Variants in ZNF280C observed in about 807,000 individuals in gnomAD.
The protein encoded by ZNF280C is suppressor of hairy wing homolog 3.
ZNF280C carries 14 observed loss-of-function variants against 53.6 expected under a neutral mutation model. That is an observed-to-expected ratio of 0.26 (90% confidence interval 0.17 to 0.41). ZNF280C has a LOEUF of 0.41. ZNF280C is among the 10% of genes least tolerant of loss of function. The probability of loss-of-function intolerance (pLI) is 1.00; values close to 1 mark genes in which losing one functional copy is unlikely to be tolerated. For missense variants in ZNF280C, 416 were observed against 547.1 expected, an observed-to-expected ratio of 0.76 and a Z score of 2.39; for synonymous variants, 203 against 181.1, an observed-to-expected ratio of 1.12 and a Z score of -0.97.
intron 2 of ZNF280C, among the ~76,000 whole-genome samples, chrX:130,256,523 G>A (rs1345498280): frequency 2.7e-5 from 3 of 109,284 alleles, no homozygotes; most frequent in Middle Eastern, 4.7e-3. Context: ...CCGGGAGTGG[G>A]AAGTGCAGTG....
Position 130,246,963 on chromosome X carries a change from T to C in ZNF280C, c.74A>G (p.Glu25Gly). The C allele has an allele frequency of 2.5e-6, 3 of 1,211,108 alleles. No individual in the cohort carries two copies. The highest frequency in any genetic ancestry group is 3.4e-6 in the Non-Finnish European group (3 of 895,100). Residue 25 changes from glutamate (E) to glycine (G), a missense_variant, in exon 3 of 19, where the codon GAA becomes GGA. Glu to Gly is a moderately conservative substitution (Grantham distance 98, BLOSUM62 -2). Around this residue, in one of 3 missense-constraint regions of ZNF280C, gnomAD observed 193 missense variants for 201.4 expected, o/e 0.96. Coordinates refer to ENST00000370978, the MANE Select transcript of ZNF280C (RefSeq NM_017666.5). The part of the protein sequence containing the change: ...MAELFMECEE[E>G]ELEPWQKKVE... ...TTTCTTCTGCCATGGCTCTAGCTCT[T>C]CTTCTTCACATTCCATAAAGAGTTC... is the stretch of plus-strand genomic sequence containing the variant.
At chrX:130,266,226 G>A (rs181349799) in intron 1 of ZNF280C, among the ~76,000 whole-genome samples, 2 of 111,991 alleles carry the variant, frequency 1.8e-5, no homozygotes, top group East Asian at 5.5e-4. Context: ...ATAAAAAGCA[G>A]CTGGATTCTC....
rs2031934671 is a variant in ZNF280C, at chrX:130,203,375, G to A, written c.*1602C>T. ...AAAAAAGTTTAAAAATGTGAGTATCGGTCGGGTGCAGTGGCTCACACCTGT... is the reference window on the plus strand; with the variant it reads ...AAAAAAGTTTAAAAATGTGAGTATCAGTCGGGTGCAGTGGCTCACACCTGT... On this transcript the variant is annotated 3_prime_UTR_variant, in exon 19 of 19. Transcript: ENST00000370978. 9.0e-6 allele frequency: 1 copy of A among 111,684 alleles called. No homozygotes were observed. Among genetic ancestry groups the A allele is most frequent in the Admixed American group, 9.5e-5 (1 of 10,531 alleles). The allele number at this position is 111,684 out of a possible 1,213,427, so 9.2% of individuals were successfully genotyped here.
In ZNF280C at chrX:130,261,978, C is replaced by T. The variant is rs1372953263; in HGVS notation, c.-16-1513G>A. ...TACAGGTGAACATCACTGTGCCTGGCTTAACACTTTAATTAAATGATCATA... is the reference window on the plus strand; with the variant it reads ...TACAGGTGAACATCACTGTGCCTGGTTTAACACTTTAATTAAATGATCATA... On this transcript the variant is annotated intron_variant, in intron 1 of 18. Coordinates refer to ENST00000370978, the MANE Select transcript of ZNF280C (RefSeq NM_017666.5). Among the ~76,000 whole-genome samples the T allele has an allele frequency of 3.6e-5, 4 of 111,214 alleles. No individual in the cohort carries two copies. The East Asian group carries it at 1.1e-3, about 31-fold the overall frequency.
chrX:130,209,599 TA>T, intron 16 of ZNF280C, 53 bp downstream of exon 16: 1 of 1,083,779 alleles, frequency 9.2e-7, no homozygotes. Context: ...CATCAAGTTT[TA>T]AAAAGTTACT....
intron 10 of ZNF280C, 90 bp downstream of exon 10, chrX:130,228,858 TTGCCCTCATATTACAAAGTCTACTTCTTA>T: frequency 1.5e-6 from 1 of 686,771 alleles, no homozygotes. Flanking sequence ...TTTTTCAATT[TTGCCCTCATATTACAAAGTCTACTTCTTA>T]TTTTTTTCTG....
Position 130,216,053 on chromosome X carries a change from C to A in ZNF280C, c.1576G>T (p.Ala526Ser). The change falls in exon 14 of 19, where the codon GCA becomes TCA. Residue 526 changes from alanine to serine, a missense_variant. Ala to Ser is a moderately conservative substitution (Grantham distance 99). Transcript: ENST00000370978. Reference protein sequence around the residue: ...LGPLQSKLPTAPFGCAPGTSF... With the variant: ...LGPLQSKLPTSPFGCAPGTSF... Reference sequence around the variant, plus strand: ...GTGCCTGGAGCGCAACCGAAAGGTGCAGTTGGTAATTTTGACTGGAGAGGT... The same window carrying A: ...GTGCCTGGAGCGCAACCGAAAGGTGAAGTTGGTAATTTTGACTGGAGAGGT... The A allele has an allele frequency of 3.3e-6, 4 of 1,210,764 alleles. No homozygotes were observed. Among genetic ancestry groups the A allele is most frequent in the Non-Finnish European group, 1.1e-6 (1 of 894,951 alleles).
rs2031944354 is a variant in ZNF280C, at chrX:130,204,069, G to A, written c.*908C>T. 9.0e-6 allele frequency: 1 copy of A among 111,127 alleles called. No homozygotes were observed. The highest frequency in any genetic ancestry group is 3.3e-5 in the African/African-American group (1 of 30,489). The allele number at this position is 111,127 out of a possible 1,213,427, so 9.2% of individuals were successfully genotyped here. A position where few individuals can be genotyped will look rare whatever the true frequency, so the allele number is the denominator to read the frequency against. On this transcript the variant is annotated 3_prime_UTR_variant, in exon 19 of 19. Coordinates refer to ENST00000370978, the MANE Select transcript of ZNF280C (RefSeq NM_017666.5). Reference sequence around the variant, plus strand: ...ATGAACAACTGTGTCTTTGGGAACTGTAATTGTAGAAATTTTCTTTATCCA... The same window carrying A: ...ATGAACAACTGTGTCTTTGGGAACTATAATTGTAGAAATTTTCTTTATCCA...
intron 12 of ZNF280C, among the ~76,000 whole-genome samples, chrX:130,225,928 C>T (rs1449242640): frequency 9.0e-6 from 1 of 111,658 alleles, no homozygotes; most frequent in African/African-American, 3.3e-5. Context: ...TTAGTAAATC[C>T]GTTGACTTCT....
At chrX:130,234,358 T>A (rs749147899) in intron 8 of ZNF280C, among the ~76,000 whole-genome samples, 219 of 111,652 alleles carry the variant, frequency 2.0e-3, no homozygotes, top group Non-Finnish European at 3.6e-3. Context: ...TACATCTATG[T>A]CCTAAAGAGC....
intron 15 of ZNF280C, among the ~76,000 whole-genome samples, chrX:130,211,626 G>C (rs209228): frequency 0.48 from 52,590 of 110,357 alleles, 9,571 homozygotes; most frequent in African/African-American, 0.65. Flanking sequence ...GACCTACGAG[G>C]CCCTCAGAAG....
chrX:130,213,244 G>A (rs776930356), intron 15 of ZNF280C, among the ~76,000 whole-genome samples: 1 of 111,730 alleles, frequency 9.0e-6, no homozygotes, highest in Non-Finnish European at 1.9e-5. Context: ...GTGGTGGCGT[G>A]TGCCTGTAGT....
At chrX:130,255,131 CTTTTT>C (rs1165356811) in intron 2 of ZNF280C, among the ~76,000 whole-genome samples, 1 of 99,367 alleles carries the variant, frequency 1.0e-5, no homozygotes, top group East Asian at 3.1e-4. Context: ...AAATCATTTT[CTTTTT>C]TTTTCTTTTT....
At chrX:130,216,275 T>C (rs1467913165) in intron 13 of ZNF280C, among the ~76,000 whole-genome samples, 174 bp from the exon 14 acceptor site, 4 of 111,795 alleles carry the variant, frequency 3.6e-5, no homozygotes, top group African/African-American at 1.3e-4. Flanking sequence ...CTGATATCCA[T>C]GTGCAAAAGA....
intron 8 of ZNF280C, among the ~76,000 whole-genome samples, chrX:130,235,264 G>C (rs996667875): frequency 8.9e-6 from 1 of 112,162 alleles, no homozygotes; most frequent in Non-Finnish European, 1.9e-5. Context: ...CTGTAATCCC[G>C]GCACTTTGTG....
At chrX:130,250,116 A>AAAAGG (rs1219484995) in intron 2 of ZNF280C, among the ~76,000 whole-genome samples, 1 of 112,177 alleles carries the variant, frequency 8.9e-6, no homozygotes, top group Non-Finnish European at 1.9e-5. Context: ...AAAAAGAATG[A>AAAAGG]AAAGGAACAA....
At chrX:130,208,405 C>T (rs2032002799) in intron 16 of ZNF280C, among the ~76,000 whole-genome samples, 1 of 111,621 alleles carries the variant, frequency 9.0e-6, no homozygotes, top group Admixed American at 9.5e-5. Context: ...GCTGGGATTA[C>T]AGGTGTGAGC....
chrX:130,233,926 A>G (rs991947020), intron 8 of ZNF280C, among the ~76,000 whole-genome samples: 2 of 110,878 alleles, frequency 1.8e-5, no homozygotes, highest in African/African-American at 6.5e-5. Context: ...ACACTAAAAC[A>G]AGGGTGGAAA....
At chrX:130,253,527 T>C (rs751260206) in intron 2 of ZNF280C, among the ~76,000 whole-genome samples, 4 of 111,738 alleles carry the variant, frequency 3.6e-5, no homozygotes, top group Non-Finnish European at 5.6e-5. Context: ...AGGGCTACAA[T>C]AACCAAAACA....
Sources: gnomAD v4.1 joint callset for allele counts (sites outside exome capture counted in the v4.1 genomes callset) on GRCh38, gnomAD v4.1.1 for gene constraint, gnomAD v4.1.1 regional missense constraint, MANE v1.5 for transcripts, NCBI Gene and HGNC (gene_info 2026-07-23, HGNC 2026-07-21) for gene names.